Variants in TOX observed in about 807,000 individuals in gnomAD.
The protein encoded by TOX is thymocyte selection associated high mobility group box, also known as thymocyte selection-associated high mobility group box protein TOX.
TOX carries 11 observed loss-of-function variants against 53.7 expected under a neutral mutation model. That is an observed-to-expected ratio of 0.20 (90% CI 0.13 to 0.34). TOX has a LOEUF of 0.34. Among genes scored for constraint, TOX ranks in the 10% least tolerant of loss-of-function variants. The pLI is 1.00. For synonymous variants in TOX, 225 were observed against 245.3 expected, an observed-to-expected ratio of 0.92 and a Z score of 0.77; for missense variants, 570 against 664.6, an observed-to-expected ratio of 0.86 and a Z score of 1.56.
rs778824212 is a variant in TOX, at chr8:59,039,469, C to A, written c.102+79417G>T. Among the ~76,000 whole-genome samples, 263 of 152,288 alleles carry A rather than the reference C, an allele frequency of 1.7e-3. 1 individual carries two copies. Among genetic ancestry groups the A allele is most frequent in the Non-Finnish European group, 2.4e-3 (165 of 68,036 alleles). ...CACACTTCCCTTGGTAGTGAACAAG[C>A]AGACAGCTGAAGGAGTAAAAATTCT... On this transcript the variant is annotated intron_variant, in intron 1 of 8. Transcript: ENST00000361421.
At chr8:58,898,103 C>A (rs1327503487) in intron 3 of TOX, among the ~76,000 whole-genome samples, 3 of 152,088 alleles carry the variant, frequency 2.0e-5, no homozygotes, top group Non-Finnish European at 2.9e-5. Context: ...ACATGGTAAA[C>A]ACATACAGGA....
At position 58,805,973 on chromosome 8, in the gene TOX, T is replaced by C. The variant is rs1809967214; in HGVS notation, c.*1774A>G. On this transcript the variant is annotated 3_prime_UTR_variant, in exon 9 of 9. Transcript: ENST00000361421. The stretch of plus-strand genomic sequence containing the variant: ...TTGTATTTAGTTAAACTGCTAAATT[T>C]ATTTCACATATTCCAAGAAAGAGAC... 6.6e-6 allele frequency: 1 copy of C among 152,664 alleles called. No homozygotes were observed. The highest frequency in any genetic ancestry group is 2.1e-4 in the South Asian group (1 of 4,832). The allele number at this position is 152,664 out of a possible 1,614,324, so 9.5% of individuals were successfully genotyped here.
intron 3 of TOX, among the ~76,000 whole-genome samples, chr8:58,900,846 AG>A (rs1443845891): frequency 6.6e-6 from 1 of 152,136 alleles, no homozygotes; most frequent in Non-Finnish European, 1.5e-5. Flanking sequence ...TAGTTGGTAG[AG>A]GTTTTTTTTG....
intron 1 of TOX, among the ~76,000 whole-genome samples, chr8:59,072,746 T>C (rs1250211113): frequency 6.6e-6 from 1 of 152,202 alleles, no homozygotes; most frequent in Non-Finnish European, 1.5e-5. Flanking sequence ...TTCCATTTTA[T>C]GTCACAGCTA....
intron 1 of TOX, among the ~76,000 whole-genome samples, chr8:59,033,832 T>G (rs750213506): frequency 7.9e-5 from 12 of 152,244 alleles, no homozygotes; most frequent in Non-Finnish European, 1.3e-4. Flanking sequence ...CTAGAGAATG[T>G]GTTTTCTGGT....
At chr8:59,063,915 CGTGT>C (rs1018297399) in intron 1 of TOX, among the ~76,000 whole-genome samples, 3 of 146,842 alleles carry the variant, frequency 2.0e-5, no homozygotes, top group Non-Finnish European at 4.5e-5. Flanking sequence ...TGTGTGTGTT[CGTGT>C]GTGTGTGTGT....
chr8:59,036,555 A>G (rs957312480), intron 1 of TOX, among the ~76,000 whole-genome samples: 5 of 152,226 alleles, frequency 3.3e-5, no homozygotes, highest in African/African-American at 1.2e-4. Context: ...ACCTATGTCC[A>G]AACCCTCTAC....
chr8:58,989,829 T>A (rs188960857), intron 1 of TOX, among the ~76,000 whole-genome samples: 13 of 152,166 alleles, frequency 8.5e-5, no homozygotes, highest in Non-Finnish European at 1.6e-4. Flanking sequence ...AAGCCTTCGC[T>A]CAGGACACTT....
At chr8:59,079,982 TTTC>T (rs1804371104) in intron 1 of TOX, among the ~76,000 whole-genome samples, 1 of 136,616 alleles carries the variant, frequency 7.3e-6, no homozygotes, top group African/African-American at 3.4e-5. Flanking sequence ...TCTGTTTTCT[TTTC>T]TTTTTTTTTT....
intron 2 of TOX, among the ~76,000 whole-genome samples, chr8:58,952,839 A>C (rs1164212875): frequency 6.6e-6 from 1 of 152,194 alleles, no homozygotes; most frequent in Non-Finnish European, 1.5e-5. Flanking sequence ...CACAAATCCC[A>C]CAGCTTGGAA....
At chr8:58,865,821 C>A (rs1811087770) in intron 3 of TOX, among the ~76,000 whole-genome samples, 2 of 141,286 alleles carry the variant, frequency 1.4e-5, no homozygotes, top group African/African-American at 2.6e-5. Flanking sequence ...ATGGTAATGA[C>A]AGTGGCTTTT....
chr8:59,026,483 T>C (rs1162411971), intron 1 of TOX, among the ~76,000 whole-genome samples: 1 of 152,208 alleles, frequency 6.6e-6, no homozygotes, highest in Non-Finnish European at 1.5e-5. Context: ...GTGCATGTAC[T>C]TCACAGCATT....
intron 1 of TOX, among the ~76,000 whole-genome samples, chr8:58,971,832 C>T (rs1222371128): frequency 6.6e-6 from 1 of 152,048 alleles, no homozygotes; most frequent in African/African-American, 2.4e-5. Context: ...CTAGGACTAC[C>T]GGCATGCACC....
rs534029191 is a variant in TOX, at chr8:59,049,337, T to C, written c.102+69549A>G. ...GCTGATCAATAAACTCTCCTCTTCG[T>C]TGGATCACAAAGACCCTAAAGTTTT... On this transcript the variant is annotated intron_variant, in intron 1 of 8. Coordinates refer to ENST00000361421, the MANE Select transcript of TOX (RefSeq NM_014729.3). Among the ~76,000 whole-genome samples the C allele has an allele frequency of 3.9e-5, 6 of 152,294 alleles. No individual in the cohort carries two copies. The East Asian group carries it at 1.2e-3, about 29-fold the overall frequency.
chr8:59,038,878 G>C (rs1199007330), intron 1 of TOX, among the ~76,000 whole-genome samples: 5 of 152,254 alleles, frequency 3.3e-5, no homozygotes, highest in African/African-American at 1.2e-4. Flanking sequence ...AAGGGACAGC[G>C]TCCTGCTCTC....
At chr8:58,856,840 G>A (rs974760589) in intron 3 of TOX, among the ~76,000 whole-genome samples, 3 of 151,866 alleles carry the variant, frequency 2.0e-5, no homozygotes, top group African/African-American at 7.3e-5. Flanking sequence ...GGCACCATAA[G>A]GACGCTGAAG....
chr8:58,943,181 G>A (rs1812470156), intron 2 of TOX, among the ~76,000 whole-genome samples: 2 of 152,200 alleles, frequency 1.3e-5, no homozygotes, highest in African/African-American at 2.4e-5. Context: ...GTAAAGGAGA[G>A]TTTGTGGCCC....
intron 1 of TOX, among the ~76,000 whole-genome samples, chr8:59,025,810 A>G (rs1814225129): frequency 6.6e-6 from 1 of 152,124 alleles, no homozygotes; most frequent in South Asian, 2.1e-4. Flanking sequence ...CTCATACTGA[A>G]GCAGCATCCA....
At chr8:58,832,434 A>C (rs1452368882) in intron 5 of TOX, among the ~76,000 whole-genome samples, 1 of 152,098 alleles carries the variant, frequency 6.6e-6, no homozygotes, top group Non-Finnish European at 1.5e-5. Context: ...ACATGTGTGA[A>C]TGTTACAGTG....
Sources: allele counts gnomAD v4.1 joint callset (sites outside exome capture counted in the v4.1 genomes callset), GRCh38; gene constraint gnomAD v4.1.1; transcripts MANE v1.5; gene names NCBI Gene and HGNC (gene_info 2026-07-23, HGNC 2026-07-21).